The following TBL1Y variants were observed in gnomAD, a reference collection of about 807,000 sequenced individuals.
TBL1Y encodes transducin beta like 1 Y-linked, also known as F-box-like/WD repeat-containing protein TBL1Y.
A neutral mutation model predicts 12.0 loss-of-function variants in TBL1Y; 15 were observed. The ratio of observed to expected loss-of-function variants is 1.25; its 90% CI spans 0.83 to 1.92. The LOEUF is 1.92. TBL1Y is among the 40% of genes most tolerant of loss of function. The pLI, the probability that TBL1Y is intolerant of heterozygous loss-of-function variation, is 0.00. For synonymous variants in TBL1Y, 53 were observed against 42.6 expected (o/e 1.24, Z -0.95); for missense variants, 148 against 116.7 (o/e 1.27, Z -1.24).
chrY:6,917,687 G>A (rs2011743877), intron 2 of TBL1Y, among the ~76,000 whole-genome samples: 1 of 32,763 alleles, frequency 3.1e-5, no homozygotes, highest in Non-Finnish European at 7.5e-5. Context: ...CAGTGGAGCG[G>A]GGGCATTGCT....
chrY:6,913,280 G>T, intron 2 of TBL1Y, among the ~76,000 whole-genome samples: 2 of 32,968 alleles, frequency 6.1e-5, no homozygotes, highest in Non-Finnish European at 1.5e-4. Flanking sequence ...GCATTTTAAT[G>T]GACTGCATGG....
chrY:7,088,395 G>A, intron 17 of TBL1Y, among the ~76,000 whole-genome samples: 1 of 32,045 alleles, frequency 3.1e-5, no homozygotes, highest in African/African-American at 1.2e-4. Flanking sequence ...GTGTACTCAT[G>A]GGTGATGAGC....
chrY:6,925,855 G>A (rs2011821601), intron 2 of TBL1Y, among the ~76,000 whole-genome samples: 1 of 34,100 alleles, frequency 2.9e-5, no homozygotes, highest in African/African-American at 1.1e-4. Context: ...TGTGGAACTT[G>A]AGTCCATTAA....
chrY:7,055,555 G>A, intron 7 of TBL1Y, among the ~76,000 whole-genome samples: 1 of 33,616 alleles, frequency 3.0e-5, no homozygotes, highest in Non-Finnish European at 7.3e-5. Flanking sequence ...GTTTGAGGTT[G>A]TAGTGAGCTG....
At chrY:6,970,238 C>G in intron 2 of TBL1Y, among the ~76,000 whole-genome samples, 1 of 33,219 alleles carries the variant, frequency 3.0e-5, no homozygotes, top group African/African-American at 1.2e-4. Context: ...CATGTGAAAG[C>G]GCTTAGAACA....
intron 7 of TBL1Y, among the ~76,000 whole-genome samples, chrY:7,052,577 C>T (rs2012803717): frequency 5.9e-5 from 2 of 33,932 alleles, no homozygotes; most frequent in South Asian, 6.6e-4. Context: ...TATAACCTGA[C>T]GCATCCACCT....
chrY:6,962,985 A>C, intron 2 of TBL1Y, among the ~76,000 whole-genome samples: 1 of 33,505 alleles, frequency 3.0e-5, no homozygotes, highest in Admixed American at 2.7e-4. Context: ...TGTATTTTCA[A>C]CAATAATGCC....
intron 13 of TBL1Y, among the ~76,000 whole-genome samples, chrY:7,080,511 T>C: frequency 3.1e-5 from 1 of 32,785 alleles, no homozygotes; most frequent in Non-Finnish European, 7.5e-5. Context: ...TTCCTTGAGG[T>C]TGGGACACTG....
chrY:6,986,808 A>G, intron 3 of TBL1Y, among the ~76,000 whole-genome samples: 2 of 32,078 alleles, frequency 6.2e-5, no homozygotes, highest in Non-Finnish European at 1.5e-4. Context: ...TCTGGAATGA[A>G]CGTCTTTTGA....
chrY:6,937,435 G>A (rs2011911170), intron 2 of TBL1Y, among the ~76,000 whole-genome samples: 1 of 33,124 alleles, frequency 3.0e-5, no homozygotes, highest in African/African-American at 1.2e-4. Context: ...GCCAGGCATG[G>A]TGGCAGACGC....
intron 2 of TBL1Y, among the ~76,000 whole-genome samples, chrY:6,957,584 G>A (rs2012077723): frequency 2.9e-5 from 1 of 34,069 alleles, no homozygotes; most frequent in Non-Finnish European, 7.3e-5. Flanking sequence ...AACTGGAGCA[G>A]CACTTGTGCT....
intron 2 of TBL1Y, among the ~76,000 whole-genome samples, chrY:6,936,782 G>T (rs1046016079): frequency 5.7e-4 from 19 of 33,048 alleles, no homozygotes; most frequent in African/African-American, 1.4e-3. Context: ...TTTCCTTTCA[G>T]GTTCTTCACT....
chrY:7,086,178 A>G, intron 15 of TBL1Y, 112 bp from the exon 16 acceptor site: 1 of 311,481 alleles, frequency 3.2e-6, no homozygotes, highest in Admixed American at 8.5e-5. Flanking sequence ...TGCACACCCC[A>G]TATCCCGCCG....
chrY:6,986,036 T>C (rs765644050), intron 3 of TBL1Y, among the ~76,000 whole-genome samples: 1 of 32,721 alleles, frequency 3.1e-5, no homozygotes, highest in Admixed American at 2.8e-4. Context: ...CTAACTCCTT[T>C]CCACGGGCTG....
chrY:6,976,295 GT>G (rs765818271), intron 2 of TBL1Y, among the ~76,000 whole-genome samples: 2 of 32,937 alleles, frequency 6.1e-5, no homozygotes, highest in South Asian at 1.4e-3. Flanking sequence ...GGAAGTAAAA[GT>G]TTTTTTTGTG....
At chrY:7,014,091 A>G in intron 4 of TBL1Y, among the ~76,000 whole-genome samples, 1 of 33,387 alleles carries the variant, frequency 3.0e-5, no homozygotes, top group Non-Finnish European at 7.4e-5. Context: ...GTGTGTAATG[A>G]TATGATTTAA....
At chrY:6,993,859 A>G in intron 3 of TBL1Y, among the ~76,000 whole-genome samples, 3 of 30,783 alleles carry the variant, frequency 9.7e-5, no homozygotes. Flanking sequence ...TTAAATGGCC[A>G]TTGCTTAATT....
chrY:7,004,133 A>G (rs2012470374), intron 4 of TBL1Y, among the ~76,000 whole-genome samples: 1 of 33,819 alleles, frequency 3.0e-5, no homozygotes, highest in Non-Finnish European at 7.3e-5. Context: ...CGCATAGTTC[A>G]GTTGTTTTAG....
chrY:6,961,506 C>T, intron 2 of TBL1Y, among the ~76,000 whole-genome samples: 1 of 32,896 alleles, frequency 3.0e-5, no homozygotes, highest in Non-Finnish European at 7.5e-5. Context: ...GGTATCCAAA[C>T]AGGAAGCTGA....
Sources: gnomAD v4.1 joint callset for allele counts (sites outside exome capture counted in the v4.1 genomes callset) on GRCh38, gnomAD v4.1.1 for gene constraint, MANE v1.5 for transcripts, NCBI Gene and HGNC (gene_info 2026-07-23, HGNC 2026-07-21) for gene names.